The following TCF7L1 variants were observed in gnomAD, a reference collection of about 807,000 sequenced individuals.
TCF7L1 encodes the protein transcription factor 7 like 1.
A neutral mutation model predicts 63.7 loss-of-function variants in TCF7L1; 18 were observed. The observed-to-expected ratio is 0.28, with a 90% CI of 0.20 to 0.42. The LOEUF is 0.42. Ranked by LOEUF, TCF7L1 falls within the 10% of genes least tolerant of loss-of-function variation. The pLI is 1.00. For missense variants in TCF7L1, 654 were observed against 779.3 expected (o/e 0.84, Z 1.91); for synonymous variants, 355 against 340.9 (o/e 1.04, Z -0.46).
At position 85,298,083 on chromosome 2, in the gene TCF7L1, G is replaced by A. The variant is rs1037020451; in HGVS notation, c.526-4401G>A. Among the ~76,000 whole-genome samples, 55 of 144,454 alleles carry A rather than the reference G, an allele frequency of 3.8e-4. 1 individual carries two copies. The East Asian group carries it at 0.01, about 27-fold the overall frequency. 94.8% of individuals were successfully genotyped at this position (144,454 alleles called of 152,430 possible). ...AGCGATTCTCCTGCCTCAGCCTCCC[G>A]AGTAGCTGGGATTATAGGCATGTGC... On this transcript the variant is annotated intron_variant, in intron 4 of 11. Transcript: ENST00000282111.
chr2:85,246,812 A>G (rs918258614), intron 3 of TCF7L1, among the ~76,000 whole-genome samples: 1 of 152,226 alleles, frequency 6.6e-6, no homozygotes, highest in African/African-American at 2.4e-5. Context: ...ATTATCTGAT[A>G]CATGTACCCC....
At chr2:85,214,281 C>T (rs951778257) in intron 3 of TCF7L1, among the ~76,000 whole-genome samples, 2 of 152,196 alleles carry the variant, frequency 1.3e-5, no homozygotes, top group African/African-American at 2.4e-5. Context: ...GGGTGATGCT[C>T]GAAGACAAAT....
At position 85,283,516 on chromosome 2, in the gene TCF7L1, C is replaced by T. The variant is rs762877459; in HGVS notation, c.463C>T (p.Leu155Phe). Residue 155 changes from leucine to phenylalanine, a missense_variant, in exon 4 of 12, where the codon CTC (leucine) becomes TTC (phenylalanine). Around this residue, in one of 3 missense-constraint regions of TCF7L1, gnomAD observed 404 missense variants for 454.8 expected, o/e 0.89. Transcript: ENST00000282111. Reference protein sequence around the residue: ...ARTYLQMKWPLLDVPSSATVK... With the variant: ...ARTYLQMKWPFLDVPSSATVK... ...GCAGTACCTGCAGATGAAATGGCCCCTCCTCGATGTCCCCTCCAGCGCCAC... is the reference window on the plus strand; with the variant it reads ...GCAGTACCTGCAGATGAAATGGCCCTTCCTCGATGTCCCCTCCAGCGCCAC... 3.1e-6 allele frequency: 5 copies of T among 1,614,080 alleles called. No homozygotes were observed. The highest frequency in any genetic ancestry group is 4.5e-5 in the East Asian group (2 of 44,892).
intron 3 of TCF7L1, among the ~76,000 whole-genome samples, chr2:85,145,968 C>T (rs942629016): frequency 5.9e-5 from 9 of 152,148 alleles, no homozygotes; most frequent in Non-Finnish European, 1.3e-4. Context: ...ACCTCGACCT[C>T]CCAAAGTGCT....
intron 3 of TCF7L1, among the ~76,000 whole-genome samples, chr2:85,179,427 G>A (rs1305518452): frequency 6.6e-6 from 1 of 152,146 alleles, no homozygotes; most frequent in Admixed American, 6.5e-5. Flanking sequence ...GTATTTCTAA[G>A]TTCTCAGGTG....
chr2:85,217,547 T>C (rs916762749), intron 3 of TCF7L1, among the ~76,000 whole-genome samples: 1 of 152,212 alleles, frequency 6.6e-6, no homozygotes, highest in Non-Finnish European at 1.5e-5. Flanking sequence ...GACATTCCAC[T>C]GCCAACCAGT....
At chr2:85,286,253 G>A (rs1238017689) in intron 4 of TCF7L1, among the ~76,000 whole-genome samples, 1 of 151,896 alleles carries the variant, frequency 6.6e-6, no homozygotes. Flanking sequence ...TATTTGTGAG[G>A]CTGAGGCAGG....
At chr2:85,150,271 T>A (rs1677976576) in intron 3 of TCF7L1, among the ~76,000 whole-genome samples, 1 of 151,472 alleles carries the variant, frequency 6.6e-6, no homozygotes, top group Non-Finnish European at 1.5e-5. Flanking sequence ...TCTCGCTCTG[T>A]CGCCCGGGCT....
intron 3 of TCF7L1, among the ~76,000 whole-genome samples, chr2:85,278,928 A>G (rs576919024): frequency 1.3e-5 from 2 of 152,366 alleles, no homozygotes; most frequent in East Asian, 1.9e-4. Flanking sequence ...CGCTATTGCC[A>G]GGCCATCAGT....
chr2:85,304,174 C>A, intron 6 of TCF7L1, 81 bp from the exon 7 acceptor site: 1 of 1,442,916 alleles, frequency 6.9e-7, no homozygotes, highest in South Asian at 1.2e-5. Context: ...TCCCATATTT[C>A]TCATCCCTTC....
At chr2:85,204,142 C>T (rs1036800540) in intron 3 of TCF7L1, among the ~76,000 whole-genome samples, 17 of 151,988 alleles carry the variant, frequency 1.1e-4, no homozygotes, top group African/African-American at 3.9e-4. Flanking sequence ...TTTTCTTTTC[C>T]CCTCTCTGCC....
At chr2:85,232,140 C>T (rs1484505767) in intron 3 of TCF7L1, among the ~76,000 whole-genome samples, 1 of 152,172 alleles carries the variant, frequency 6.6e-6, no homozygotes, top group Non-Finnish European at 1.5e-5. Flanking sequence ...CGGGTCAGGG[C>T]TGAGTAGCTG....
intron 4 of TCF7L1, among the ~76,000 whole-genome samples, chr2:85,285,220 G>A (rs1428938451): frequency 2.0e-5 from 3 of 151,480 alleles, no homozygotes; most frequent in Non-Finnish European, 4.4e-5. Flanking sequence ...GTGACAGAGC[G>A]AGACTCTGTC....
At chr2:85,266,806 C>G (rs1006473969) in intron 3 of TCF7L1, among the ~76,000 whole-genome samples, 2 of 152,196 alleles carry the variant, frequency 1.3e-5, no homozygotes, top group South Asian at 4.1e-4. Flanking sequence ...TATTTCATCC[C>G]CTTCCAATTA....
chr2:85,181,793 C>T (rs1678809423), intron 3 of TCF7L1, among the ~76,000 whole-genome samples: 1 of 152,242 alleles, frequency 6.6e-6, no homozygotes, highest in East Asian at 1.9e-4. Flanking sequence ...TGGTGTTGCC[C>T]CTCTTTGAGG....
At chr2:85,176,638 A>G (rs1199603057) in intron 3 of TCF7L1, among the ~76,000 whole-genome samples, 1 of 152,120 alleles carries the variant, frequency 6.6e-6, no homozygotes, top group African/African-American at 2.4e-5. Flanking sequence ...TGTATATTCC[A>G]TGGGAAAATC....
chr2:85,259,021 C>T (rs1404418856), intron 3 of TCF7L1, among the ~76,000 whole-genome samples: 1 of 152,222 alleles, frequency 6.6e-6, no homozygotes, highest in Admixed American at 6.5e-5. Flanking sequence ...TACCCCCACA[C>T]TCGGTGACAC....
intron 3 of TCF7L1, among the ~76,000 whole-genome samples, chr2:85,192,982 C>T (rs2104267203): frequency 6.6e-6 from 1 of 152,232 alleles, no homozygotes; most frequent in East Asian, 1.9e-4. Flanking sequence ...AGCCACTGTG[C>T]CCGCTCTGTC....
At chr2:85,224,123 G>C (rs141464165) in intron 3 of TCF7L1, among the ~76,000 whole-genome samples, 6,374 of 152,196 alleles carry the variant, frequency 0.042, 150 homozygotes, top group African/African-American at 0.054. Context: ...TGAAATCATC[G>C]TTTTTTATAG....
Sources: gnomAD v4.1 joint callset for allele counts (sites outside exome capture counted in the v4.1 genomes callset) on GRCh38, gnomAD v4.1.1 for gene constraint, gnomAD v4.1.1 regional missense constraint, MANE v1.5 for transcripts, NCBI Gene and HGNC (gene_info 2026-07-23, HGNC 2026-07-21) for gene names.